The following RMST variants were observed in gnomAD, a reference collection of about 807,000 sequenced individuals.
RMST encodes rhabdomyosarcoma 2 associated transcript.
At chr12:97,503,710 TA>T (rs1040284031) in intron 10 of RMST, among the ~76,000 whole-genome samples, 12 of 152,310 alleles carry the variant, frequency 7.9e-5, no homozygotes, top group African/African-American at 2.4e-4. Context: ...AAATGTCAGC[TA>T]AAGTGTGAAG....
chr12:97,496,616 C>T (rs1372020292), intron 10 of RMST, among the ~76,000 whole-genome samples: 1 of 152,154 alleles, frequency 6.6e-6, no homozygotes, highest in Non-Finnish European at 1.5e-5. Context: ...TATTATAAAA[C>T]ACACTATCAT....
chr12:97,521,333 A>G (rs11109088), intron 10 of RMST, among the ~76,000 whole-genome samples: 9,316 of 152,208 alleles, frequency 0.061, 405 homozygotes, highest in East Asian at 0.17. Flanking sequence ...TCTAAGAGCC[A>G]AAAGCCCTTG....
At chr12:97,505,984 TAA>T (rs1234012120) in intron 10 of RMST, among the ~76,000 whole-genome samples, 1 of 152,188 alleles carries the variant, frequency 6.6e-6, no homozygotes, top group African/African-American at 2.4e-5. Context: ...TTTAAAATAT[TAA>T]TATTGACTTC....
intron 5 of RMST, among the ~76,000 whole-genome samples, chr12:97,489,567 G>A (rs1332959322): frequency 6.6e-6 from 1 of 152,164 alleles, no homozygotes; most frequent in Non-Finnish European, 1.5e-5. Context: ...CTCAAAAATA[G>A]GGGGAATAAA....
chr12:97,555,486 A>T (rs1406284041), intron 11 of RMST, among the ~76,000 whole-genome samples: 2 of 152,238 alleles, frequency 1.3e-5, no homozygotes, highest in Admixed American at 6.5e-5. Context: ...AATAAATAGC[A>T]GTTAAAAGAA....
At chr12:97,537,766 T>C (rs966255056) in intron 11 of RMST, among the ~76,000 whole-genome samples, 7 of 151,488 alleles carry the variant, frequency 4.6e-5, no homozygotes, top group African/African-American at 1.5e-4. Context: ...TTTCATGATA[T>C]TCAGACAGAA....
chr12:97,545,162 T>C (rs978835861), intron 11 of RMST, among the ~76,000 whole-genome samples: 1 of 152,102 alleles, frequency 6.6e-6, no homozygotes, highest in African/African-American at 2.4e-5. Flanking sequence ...ATTTTTCCTT[T>C]CATATACTGC....
At chr12:97,537,215 G>A (rs1326855922) in intron 11 of RMST, among the ~76,000 whole-genome samples, 1 of 151,388 alleles carries the variant, frequency 6.6e-6, no homozygotes, top group Non-Finnish European at 1.5e-5. Context: ...GATCAAGTTT[G>A]ACCAAAATCC....
chr12:97,532,909 T>C (rs1467961148), intron 11 of RMST: 1 of 151,766 alleles, frequency 6.6e-6, no homozygotes, highest in African/African-American at 2.4e-5. Flanking sequence ...GATTAACCCT[T>C]CTGAAATTAA....
At chr12:97,503,189 C>T (rs1430746537) in intron 10 of RMST, among the ~76,000 whole-genome samples, 1 of 152,164 alleles carries the variant, frequency 6.6e-6, no homozygotes, top group Non-Finnish European at 1.5e-5. Flanking sequence ...TCCTTCTTCT[C>T]CTATAGCAAA....
intron 9 of RMST, chr12:97,494,960 A>G (rs538214127): frequency 6.6e-6 from 1 of 152,250 alleles, no homozygotes; most frequent in South Asian, 2.1e-4. Context: ...GAAAGTTTTC[A>G]TTTATCCATT....
intron 4 of RMST, among the ~76,000 whole-genome samples, chr12:97,463,626 T>A (rs1380572779): frequency 6.6e-6 from 1 of 152,232 alleles, no homozygotes; most frequent in African/African-American, 2.4e-5. Flanking sequence ...ATTCAAGGGA[T>A]GCTCTTTCAT....
chr12:97,539,272 T>C (rs1882321590), intron 11 of RMST, among the ~76,000 whole-genome samples: 1 of 151,552 alleles, frequency 6.6e-6, no homozygotes, highest in Non-Finnish European at 1.5e-5. Context: ...AGATGAAGAA[T>C]TGGAAAGTTT....
Position 97,486,150 on chromosome 12 carries a change from G to A in RMST, n.645-6311G>A, listed in dbSNP as rs751317982. Among the ~76,000 whole-genome samples the A allele has an allele frequency of 2.0e-4, 31 of 152,130 alleles. 2 individuals carry two copies. The highest frequency in any genetic ancestry group is 2.6e-4 in the Admixed American group (4 of 15,270). On this transcript the variant is annotated intron_variant and non_coding_transcript_variant, in intron 5 of 13. Coordinates refer to ENST00000640149, the Ensembl canonical transcript of RMST. ...AGCTTTGAAAAAAAATACAGGTATA[G>A]ACATTCTCCATTTACCTTGGATACA...
At chr12:97,544,516 T>C (rs567471038) in intron 11 of RMST, among the ~76,000 whole-genome samples, 1 of 152,128 alleles carries the variant, frequency 6.6e-6, no homozygotes, top group East Asian at 1.9e-4. Flanking sequence ...AATGGCTAAG[T>C]CTTCAGAAGA....
intron 5 of RMST, among the ~76,000 whole-genome samples, chr12:97,476,421 C>A (rs1349044768): frequency 2.0e-5 from 3 of 152,108 alleles, no homozygotes; most frequent in African/African-American, 7.2e-5. Context: ...ATAGCACAGT[C>A]CCTCTGGTTA....
chr12:97,495,355 G>A (rs970327442), intron 9 of RMST, among the ~76,000 whole-genome samples: 16 of 151,914 alleles, frequency 1.1e-4, no homozygotes, highest in Admixed American at 3.3e-4. Context: ...GTCTACTATT[G>A]TAATAATATA....
At chr12:97,526,166 G>A (rs1881092305) in intron 10 of RMST, among the ~76,000 whole-genome samples, 2 of 151,984 alleles carry the variant, frequency 1.3e-5, no homozygotes, top group African/African-American at 4.8e-5. Flanking sequence ...TAATGCGCTT[G>A]AATCATCCTG....
At chr12:97,552,189 C>T (rs1883356113) in intron 11 of RMST, 1 of 152,090 alleles carries the variant, frequency 6.6e-6, no homozygotes, top group Non-Finnish European at 1.5e-5. Context: ...ATGACTGAAG[C>T]TGAGTTTGTG....
Sources: allele counts gnomAD v4.1 joint callset (sites outside exome capture counted in the v4.1 genomes callset), GRCh38; gene constraint gnomAD v4.1.1; transcripts MANE v1.5; gene names NCBI Gene and HGNC (gene_info 2026-07-23, HGNC 2026-07-21).